Variants in GRM3 observed in about 807,000 individuals in gnomAD.
The protein encoded by GRM3 is glutamate metabotropic receptor 3.
In GRM3, 26 loss-of-function variants were observed where a neutral mutation model predicts 70.5. The ratio of observed to expected loss-of-function variants is 0.37; its 90% CI spans 0.27 to 0.51. The LOEUF is 0.51. Ranked by LOEUF, GRM3 falls within the 20% of genes least tolerant of loss-of-function variation. The probability of loss-of-function intolerance (pLI) is 0.93; values close to 1 mark genes in which losing one functional copy is unlikely to be tolerated. For missense variants in GRM3, 859 were observed against 1,123.8 expected, an observed-to-expected ratio of 0.76 and a Z score of 3.37; for synonymous variants, 443 against 434.9, an observed-to-expected ratio of 1.02 and a Z score of -0.23.
At chr7:86,679,883 A>G (rs1020474262) in intron 1 of GRM3, among the ~76,000 whole-genome samples, 1 of 152,152 alleles carries the variant, frequency 6.6e-6, no homozygotes, top group Non-Finnish European at 1.5e-5. Flanking sequence ...ACTCAGAGCC[A>G]TGAATTTAAA....
At chr7:86,706,439 G>A (rs961791958) in intron 1 of GRM3, among the ~76,000 whole-genome samples, 7 of 152,026 alleles carry the variant, frequency 4.6e-5, no homozygotes, top group African/African-American at 7.2e-5. Flanking sequence ...ATGTCAAATG[G>A]CAACTACAGA....
chr7:86,744,471 G>T (rs1163756119), intron 1 of GRM3, among the ~76,000 whole-genome samples: 1 of 151,628 alleles, frequency 6.6e-6, no homozygotes, highest in Non-Finnish European at 1.5e-5. Context: ...TCCAAGACTA[G>T]GCCCCACCAA....
At chr7:86,779,759 A>C (rs1796995688) in intron 2 of GRM3, among the ~76,000 whole-genome samples, 2 of 152,240 alleles carry the variant, frequency 1.3e-5, no homozygotes, top group Admixed American at 1.3e-4. Flanking sequence ...CTGAGCAGAC[A>C]AGTGGTAAAG....
intron 1 of GRM3, among the ~76,000 whole-genome samples, chr7:86,741,693 G>T (rs1795995378): frequency 6.6e-6 from 1 of 152,008 alleles, no homozygotes. Context: ...CACCACCCCA[G>T]AACTTTTAAT....
intron 2 of GRM3, among the ~76,000 whole-genome samples, chr7:86,767,526 T>TATAG (rs1365609828): frequency 2.0e-5 from 1 of 50,668 alleles, no homozygotes; most frequent in East Asian, 4.0e-4. Flanking sequence ...TATATATATA[T>TATAG]ATATATATAT....
chr7:86,644,512 C>T lies in GRM3; in HGVS notation c.-501C>T, dbSNP rs1793404471. On this transcript the variant is annotated 5_prime_UTR_variant, in exon 1 of 6. Coordinates refer to ENST00000361669, the MANE Select transcript of GRM3 (RefSeq NM_000840.3). ...GGCTGGGAAGAGCTCCCCTCCCCTC[C>T]GCGGAAGACCACTGGGTCCCCTCTT... 2.8e-6 allele frequency: 1 copy of T among 359,072 alleles called. No individual in the cohort carries two copies. The highest frequency in any genetic ancestry group is 5.5e-6 in the Non-Finnish European group (1 of 181,826). The allele number at this position is 359,072 out of a possible 1,614,324, so 22.2% of individuals were successfully genotyped here.
chr7:86,850,316 G>T, intron 4 of GRM3, 54 bp from the exon 5 acceptor site: 2 of 1,253,120 alleles, frequency 1.6e-6, no homozygotes, highest in Non-Finnish European at 2.3e-6. Flanking sequence ...CTCTTTAGTT[G>T]GCCACTTGAC....
At chr7:86,714,421 T>C (rs1473343967) in intron 1 of GRM3, among the ~76,000 whole-genome samples, 1 of 151,914 alleles carries the variant, frequency 6.6e-6, no homozygotes, top group Non-Finnish European at 1.5e-5. Flanking sequence ...TTCTCATTTG[T>C]CCACAATGAG....
intron 1 of GRM3, among the ~76,000 whole-genome samples, chr7:86,716,013 C>G: frequency 6.6e-6 from 1 of 152,100 alleles, no homozygotes; most frequent in Middle Eastern, 3.4e-3. Context: ...CAACCACCTA[C>G]GTGGTACTTT....
At chr7:86,691,849 A>G (rs1794704194) in intron 1 of GRM3, among the ~76,000 whole-genome samples, 1 of 152,180 alleles carries the variant, frequency 6.6e-6, no homozygotes, top group African/African-American at 2.4e-5. Flanking sequence ...ACTGTGAGAA[A>G]TAAATTTCTT....
In GRM3 at chr7:86,838,713, T is replaced by TA. The variant is rs140639326; in HGVS notation, c.1325-123dup. The TA allele has an allele frequency of 2.7e-3, 1,693 of 622,212 alleles. 16 individuals carry two copies. The African/African-American group carries it at 0.028, about 10-fold the overall frequency. 38.5% of individuals were successfully genotyped at this position (622,212 alleles called of 1,614,324 possible). On this transcript the variant is annotated intron_variant, in intron 3 of 5. Transcript: ENST00000361669. ...AAGTGTAACTTTCAATGGTAACTGA[T>TA]AAATTATTTCAGCCTTGGAATCACC...
At chr7:86,821,262 T>C (rs958363534) in intron 3 of GRM3, among the ~76,000 whole-genome samples, 22 of 152,064 alleles carry the variant, frequency 1.4e-4, no homozygotes, top group African/African-American at 5.1e-4. Flanking sequence ...GTCTGCAATA[T>C]AAAGAACTGC....
intron 1 of GRM3, among the ~76,000 whole-genome samples, chr7:86,649,593 C>T (rs1292839851): frequency 2.6e-5 from 4 of 151,870 alleles, no homozygotes; most frequent in Non-Finnish European, 5.9e-5. Flanking sequence ...TGTATAACTA[C>T]ACACACACAT....
intron 1 of GRM3, among the ~76,000 whole-genome samples, chr7:86,667,752 A>G (rs79571258): frequency 6.6e-6 from 1 of 152,066 alleles, no homozygotes; most frequent in African/African-American, 2.4e-5. Flanking sequence ...TTGAAGAAAC[A>G]TTTCGGCCCT....
In GRM3 at chr7:86,797,901, G is replaced by A. The variant is rs553227173; in HGVS notation, c.1324+10785G>A. 3.0e-4 allele frequency among the ~76,000 whole-genome samples: 46 copies of A among 152,288 alleles called. No homozygotes were observed. The South Asian group carries it at 3.9e-3, about 13-fold the overall frequency. ...AGGACTCGGTGCCTGCATCCCAGCC[G>A]TGGCTAAAAGGGGCCAATGTAGAGC... On this transcript the variant is annotated intron_variant, in intron 3 of 5. Coordinates refer to ENST00000361669, the MANE Select transcript of GRM3 (RefSeq NM_000840.3).
intron 3 of GRM3, among the ~76,000 whole-genome samples, chr7:86,827,836 G>A (rs796752676): frequency 6.6e-6 from 1 of 152,234 alleles, no homozygotes; most frequent in Non-Finnish European, 1.5e-5. Flanking sequence ...AATCCAGGCC[G>A]GTGCGGTGGC....
intron 1 of GRM3, among the ~76,000 whole-genome samples, chr7:86,718,653 G>A (rs1024893191): frequency 6.6e-5 from 10 of 151,920 alleles, no homozygotes; most frequent in Admixed American, 6.6e-4. Context: ...CTGCATAGTG[G>A]GAGAGATGGT....
intron 1 of GRM3, among the ~76,000 whole-genome samples, chr7:86,651,790 C>A (rs573434884): frequency 6.6e-6 from 1 of 152,114 alleles, no homozygotes; most frequent in African/African-American, 2.4e-5. Context: ...TTGTTCAAGA[C>A]GTCCCCTTGA....
At chr7:86,791,933 C>A (rs913558061) in intron 3 of GRM3, among the ~76,000 whole-genome samples, 1 of 151,994 alleles carries the variant, frequency 6.6e-6, no homozygotes, top group African/African-American at 2.4e-5. Flanking sequence ...TTTCCATGTG[C>A]AAGAGTTATG....
Sources: allele counts gnomAD v4.1 joint callset (sites outside exome capture counted in the v4.1 genomes callset), GRCh38; gene constraint gnomAD v4.1.1; transcripts MANE v1.5; gene names NCBI Gene and HGNC (gene_info 2026-07-23, HGNC 2026-07-21).